STMN4: variants seen among roughly 807,000 people sequenced by gnomAD.
STMN4 encodes the protein stathmin 4.
A neutral mutation model predicts 29.1 loss-of-function variants in STMN4; 12 were observed. That is an observed-to-expected ratio of 0.41 (90% confidence interval 0.26 to 0.67). The LOEUF is 0.67. Among genes scored for constraint, STMN4 ranks in the 30% least tolerant of loss-of-function variants. STMN4 has a pLI of 0.30. For missense variants in STMN4, 181 were observed against 262.8 expected, an observed-to-expected ratio of 0.69 and a Z score of 2.15; for synonymous variants, 114 against 105.3, an observed-to-expected ratio of 1.08 and a Z score of -0.51.
At chr8:27,240,777 C>T (rs749945434) in intron 5 of STMN4, among the ~76,000 whole-genome samples, 1 of 152,116 alleles carries the variant, frequency 6.6e-6, no homozygotes, top group Non-Finnish European at 1.5e-5. Flanking sequence ...TAGTATTTGT[C>T]AGTCTTATTT....
In STMN4 at chr8:27,243,718, G is replaced by C. The variant is rs138378493; in HGVS notation, c.6C>G (p.Thr2=). M[T]LAAYKEKMKE... is the part of the protein sequence containing the mutation. Reference sequence around the variant, plus strand: ...CATGGTTTTTGTACCTACCAGCAAGGGTCATGTTTCTGGGATCTGGTGGCT... The same window carrying C: ...CATGGTTTTTGTACCTACCAGCAAGCGTCATGTTTCTGGGATCTGGTGGCT... The change falls in exon 2 of 7, where the codon ACC becomes ACG. Residue 2 remains threonine, a synonymous_variant. Transcript: ENST00000350889. The C allele has an allele frequency of 3.3e-5, 54 of 1,614,156 alleles. No homozygotes were observed. In the African/African-American group the frequency reaches 6.8e-4, roughly 20 times the overall value.
At position 27,235,849 on chromosome 8, in the gene STMN4, G is replaced by A. The variant is rs538050848; in HGVS notation, c.*997C>T. 1 of 152,874 alleles carries A rather than the reference G, an allele frequency of 6.5e-6. No individual in the cohort carries two copies. The highest frequency in any genetic ancestry group is 1.9e-4 in the South Asian group (1 of 5,202). 9.5% of individuals were successfully genotyped at this position (152,874 alleles called of 1,614,324 possible). ...AGATGGCAAGCCCTCACCAGACACT[G>A]AATCTGCTGGCACCTTGATATTGGA... On this transcript the variant is annotated 3_prime_UTR_variant, in exon 7 of 7. Coordinates refer to ENST00000350889, the MANE Select transcript of STMN4 (RefSeq NM_030795.4).
At chr8:27,242,565 G>A (rs770982345) in intron 2 of STMN4, 73 bp from the exon 3 acceptor site, 3 of 1,491,382 alleles carry the variant, frequency 2.0e-6, no homozygotes, top group Non-Finnish European at 2.8e-6. Flanking sequence ...ACGGGTCTGG[G>A]GCTCTGAGCA....
intron 5 of STMN4, among the ~76,000 whole-genome samples, chr8:27,240,685 G>A (rs552793372): frequency 3.3e-5 from 5 of 152,238 alleles, no homozygotes; most frequent in East Asian, 1.9e-4. Context: ...CCCGGGCCTC[G>A]AGATGCACTA....
intron 1 of STMN4, among the ~76,000 whole-genome samples, chr8:27,257,361 T>C (rs1801970627): frequency 6.6e-6 from 1 of 151,762 alleles, no homozygotes; most frequent in Non-Finnish European, 1.5e-5. Flanking sequence ...CCATCCCACC[T>C]TGTATTCTCT....
rs1328511291 is a variant in STMN4 at position 27,236,107 on chromosome 8, CA to C, written c.*738del. ...AGCCCACAGAGGGGATTTTAAAAAA[CA>C]GAAGAGAAAACCTTTCAATTATGCC... On this transcript the variant is annotated 3_prime_UTR_variant, in exon 7 of 7. Transcript: ENST00000350889. 6.6e-6 allele frequency: 1 copy of C among 152,158 alleles called. No individual in the cohort carries two copies. Among genetic ancestry groups the C allele is most frequent in the Non-Finnish European group, 1.5e-5 (1 of 68,024 alleles). 9.4% of individuals were successfully genotyped at this position (152,158 alleles called of 1,614,324 possible).
intron 1 of STMN4, 50 bp from the exon 2 acceptor site, chr8:27,243,851 A>G (rs1215045341): frequency 1.3e-6 from 2 of 1,544,740 alleles, no homozygotes; most frequent in Non-Finnish European, 1.8e-6. Flanking sequence ...TAGACAGGTT[A>G]TTCTCATAAG....
chr8:27,247,883 C>G (rs1340381708), intron 1 of STMN4, among the ~76,000 whole-genome samples: 1 of 152,216 alleles, frequency 6.6e-6, no homozygotes, highest in Admixed American at 6.5e-5. Flanking sequence ...AACCTCCATC[C>G]CCATCCCTCA....
rs536056656 is a variant in STMN4, at chr8:27,239,960, G to A, written c.591+11C>T. On this transcript the variant is annotated intron_variant, in intron 6 of 6. Transcript: ENST00000350889. ...TCCCAGGAAACTCCTCTCTAGCCAG[G>A]GACCCCTCACCTTCTCTTGCAGCCG... is the stretch of plus-strand genomic sequence containing the variant. 1 of 1,614,208 alleles carries A rather than the reference G, an allele frequency of 6.2e-7. No individual in the cohort carries two copies. The highest frequency in any genetic ancestry group is 1.3e-5 in the African/African-American group (1 of 75,048).
intron 3 of STMN4, 80 bp downstream of exon 3, chr8:27,242,317 T>TG: frequency 7.4e-7 from 1 of 1,351,864 alleles, no homozygotes; most frequent in Non-Finnish European, 1.1e-6. Context: ...TTCACGGGAC[T>TG]GGGGTCGGGG....
intron 1 of STMN4, among the ~76,000 whole-genome samples, chr8:27,248,830 T>C (rs1050442983): frequency 6.6e-6 from 1 of 152,202 alleles, no homozygotes; most frequent in African/African-American, 2.4e-5. Flanking sequence ...TCTGGCAACA[T>C]TCGTTTGGGG....
At position 27,236,853 on chromosome 8, in the gene STMN4, G is replaced by A; in HGVS notation, c.644C>T (p.Ser215Phe). Residue 215 changes from serine to phenylalanine, a missense_variant, in exon 7 of 7, where the codon TCC (serine) becomes TTC (phenylalanine). Ser to Phe is a radical substitution (Grantham distance 155). Transcript: ENST00000350889. ...RKNKELKEEA[S>F]R is the part of the protein sequence containing the mutation. ...TTCTTTGGCCTCTAGGCTTTACCTGGAGGCCTCTTCCTTCAGCTCCTTGTT... is the reference window on the plus strand; with the variant it reads ...TTCTTTGGCCTCTAGGCTTTACCTGAAGGCCTCTTCCTTCAGCTCCTTGTT... The A allele has an allele frequency of 6.2e-7, 1 of 1,605,258 alleles. No homozygotes were observed. The highest frequency in any genetic ancestry group is 2.3e-5 in the East Asian group (1 of 44,026).
chr8:27,246,651 A>T (rs1423774453), intron 1 of STMN4, among the ~76,000 whole-genome samples: 1 of 152,170 alleles, frequency 6.6e-6, no homozygotes, highest in Non-Finnish European at 1.5e-5. Context: ...GTGTCCTTAT[A>T]AGAGAGACTG....
intron 6 of STMN4, 36 bp downstream of exon 6, chr8:27,239,935 T>C (rs772935906): frequency 6.2e-7 from 1 of 1,614,142 alleles, no homozygotes; most frequent in Admixed American, 1.7e-5. Context: ...AAACAGCATG[T>C]CCCAGGAAAC....
intron 1 of STMN4, among the ~76,000 whole-genome samples, chr8:27,245,894 G>A (rs571553568): frequency 6.6e-6 from 1 of 152,328 alleles, no homozygotes; most frequent in East Asian, 1.9e-4. Flanking sequence ...CATTATCCTA[G>A]TCTAACTTTG....
intron 1 of STMN4, among the ~76,000 whole-genome samples, chr8:27,253,535 A>C (rs1326801959): frequency 3.9e-5 from 6 of 152,196 alleles, no homozygotes; most frequent in African/African-American, 1.4e-4. Flanking sequence ...AGGATCTACT[A>C]TGTGCATTAT....
chr8:27,248,072 G>T (rs575040191), intron 1 of STMN4, among the ~76,000 whole-genome samples: 2 of 152,326 alleles, frequency 1.3e-5, no homozygotes, highest in Admixed American at 1.3e-4. Flanking sequence ...GCTCAGGATG[G>T]CAGGCCCTCC....
intron 1 of STMN4, among the ~76,000 whole-genome samples, chr8:27,256,603 A>C (rs971792674): frequency 6.7e-6 from 1 of 149,090 alleles, no homozygotes; most frequent in African/African-American, 2.6e-5. Flanking sequence ...ACATTTGTAC[A>C]CACAAATATA....
At chr8:27,251,045 G>A (rs1801766981) in intron 1 of STMN4, among the ~76,000 whole-genome samples, 1 of 152,020 alleles carries the variant, frequency 6.6e-6, no homozygotes, top group African/African-American at 2.4e-5. Flanking sequence ...TCAGGAGTTC[G>A]AGACCAGCCT....
Sources: gnomAD v4.1 joint callset for allele counts (sites outside exome capture counted in the v4.1 genomes callset) on GRCh38, gnomAD v4.1.1 for gene constraint, MANE v1.5 for transcripts, NCBI Gene and HGNC (gene_info 2026-07-23, HGNC 2026-07-21) for gene names.